The following DNER variants were observed in gnomAD, a reference collection of about 807,000 sequenced individuals.
The protein encoded by DNER is delta and Notch-like epidermal growth factor-related receptor.
A neutral mutation model predicts 78.2 loss-of-function variants in DNER; 33 were observed. That is an observed-to-expected ratio of 0.42 (90% CI 0.32 to 0.56). DNER has a LOEUF of 0.56. DNER is among the 20% of genes least tolerant of loss of function. The pLI is 0.11. For synonymous variants in DNER, 417 were observed against 384.8 expected (o/e 1.08, Z -0.98); for missense variants, 918 against 975.3 (o/e 0.94, Z 0.78).
chr2:229,536,780 A>C (rs1696412981), intron 5 of DNER, among the ~76,000 whole-genome samples: 1 of 152,208 alleles, frequency 6.6e-6, no homozygotes, highest in Non-Finnish European at 1.5e-5. Context: ...CTCTTTGTAA[A>C]GACTTAAAAT....
intron 11 of DNER, among the ~76,000 whole-genome samples, chr2:229,376,745 G>A (rs532665673): frequency 1.7e-4 from 26 of 152,268 alleles, no homozygotes; most frequent in Admixed American, 1.6e-3. Context: ...CTTATCTATT[G>A]ACTGATGCAT....
intron 6 of DNER, among the ~76,000 whole-genome samples, chr2:229,479,727 A>C (rs1486720688): frequency 1.8e-5 from 2 of 112,600 alleles, no homozygotes; most frequent in Non-Finnish European, 4.2e-5. Flanking sequence ...AAAAAAAAAA[A>C]AAAACAAAAA....
At chr2:229,471,993 T>C (rs1255254878) in intron 7 of DNER, among the ~76,000 whole-genome samples, 2 of 152,210 alleles carry the variant, frequency 1.3e-5, no homozygotes, top group African/African-American at 4.8e-5. Context: ...TCCTTGGCTA[T>C]GAGAGTTTCC....
chr2:229,415,550 C>T (rs551410913), intron 9 of DNER, among the ~76,000 whole-genome samples: 1 of 152,314 alleles, frequency 6.6e-6, no homozygotes, highest in South Asian at 2.1e-4. Flanking sequence ...CATTATATTA[C>T]CATTCACAAT....
Position 229,449,105 on chromosome 2 carries a change from T to A in DNER, c.1262-1565A>T, listed in dbSNP as rs114021034. ...AGCATTTTATAAAATTCCTGGTAGC[T>A]TTTAAATCTTAGAAATCCTACTAAA... On this transcript the variant is annotated intron_variant, in intron 7 of 12. Coordinates refer to ENST00000341772, the MANE Select transcript of DNER (RefSeq NM_139072.4). Among the ~76,000 whole-genome samples the A allele has an allele frequency of 7.7e-3, 1,172 of 152,310 alleles. 13 individuals carry two copies. Among genetic ancestry groups the A allele is most frequent in the African/African-American group, 0.027 (1,136 of 41,562 alleles).
At chr2:229,601,918 G>T (rs1305542750) in intron 1 of DNER, among the ~76,000 whole-genome samples, 1 of 151,682 alleles carries the variant, frequency 6.6e-6, no homozygotes, top group Non-Finnish European at 1.5e-5. Flanking sequence ...TTGTCCCTTG[G>T]TTTCCATATT....
rs1364797711 is a variant in DNER, at chr2:229,714,547, C to G, written c.-124G>C. 5 of 1,022,022 alleles carry G rather than the reference C, an allele frequency of 4.9e-6. No individual in the cohort carries two copies. Among genetic ancestry groups the G allele is most frequent in the Non-Finnish European group, 5.9e-6 (5 of 851,528 alleles). The allele number at this position is 1,022,022 out of a possible 1,614,324, so 63.3% of individuals were successfully genotyped here. A position where few individuals can be genotyped will look rare whatever the true frequency, so the allele number is the denominator to read the frequency against. On this transcript the variant is annotated 5_prime_UTR_variant, in exon 1 of 13. Transcript: ENST00000341772. Reference sequence around the variant, plus strand: ...GGCTGCTCCGCCGGGCCGGGCGCCTCCTGCAGCTGCGGGATCCGCGGTTCC... The same window carrying G: ...GGCTGCTCCGCCGGGCCGGGCGCCTGCTGCAGCTGCGGGATCCGCGGTTCC...
chr2:229,608,018 T>A (rs1346366496), intron 1 of DNER, among the ~76,000 whole-genome samples: 1 of 73,986 alleles, frequency 1.4e-5, no homozygotes, highest in African/African-American at 5.0e-5. Flanking sequence ...CGAAACTCTG[T>A]CTCAAAAAAA....
At position 229,585,928 on chromosome 2, in the gene DNER, G is replaced by T. The variant is rs773625193; in HGVS notation, c.777C>A (p.Thr259=). Residue 259 remains threonine, a synonymous_variant, in exon 4 of 13, where the codon ACC becomes ACA. Transcript: ENST00000341772. ...CCAGTCCCCCTGAAGCCTGAAGGGG[G>T]GTCACACTTCGTCCATCTATGAGGG... The part of the protein sequence containing the change: ...QCSLIDGRSV[T]PLQASGGLVL... The T allele has an allele frequency of 6.2e-7, 1 of 1,613,904 alleles. No individual in the cohort carries two copies. Among genetic ancestry groups the T allele is most frequent in the East Asian group, 2.2e-5 (1 of 44,858 alleles).
At chr2:229,448,165 A>G (rs756980424) in intron 7 of DNER, among the ~76,000 whole-genome samples, 3 of 152,212 alleles carry the variant, frequency 2.0e-5, no homozygotes, top group Non-Finnish European at 4.4e-5. Context: ...CTACCCACAC[A>G]ATGAAATACC....
At chr2:229,450,345 T>C (rs1694431086) in intron 7 of DNER, among the ~76,000 whole-genome samples, 1 of 152,112 alleles carries the variant, frequency 6.6e-6, no homozygotes, top group Non-Finnish European at 1.5e-5. Flanking sequence ...GTTAGGAGCA[T>C]AAAAATGAAA....
At chr2:229,708,315 C>T (rs1310065865) in intron 1 of DNER, among the ~76,000 whole-genome samples, 1 of 152,204 alleles carries the variant, frequency 6.6e-6, no homozygotes, top group Non-Finnish European at 1.5e-5. Context: ...AGTACCAGTG[C>T]CAGGCCCCAC....
In DNER at chr2:229,520,847, C is replaced by G. The variant is rs369658112; in HGVS notation, c.994-7911G>C. Among the ~76,000 whole-genome samples, 8 of 152,192 alleles carry G rather than the reference C, an allele frequency of 5.3e-5. 1 individual carries two copies. In the East Asian group the frequency reaches 9.6e-4, roughly 18 times the overall value. ...TATCCAAGTGCCAGGAAAATCTCTG[C>G]TCGCCTTAAGGAACTAACATGTTTT... On this transcript the variant is annotated intron_variant, in intron 5 of 12. Coordinates refer to ENST00000341772, the MANE Select transcript of DNER (RefSeq NM_139072.4).
At chr2:229,654,135 C>T (rs1209601996) in intron 1 of DNER, among the ~76,000 whole-genome samples, 2 of 151,666 alleles carry the variant, frequency 1.3e-5, no homozygotes, top group Non-Finnish European at 2.9e-5. Context: ...CCACCACATG[C>T]CCCGGTGTGT....
chr2:229,410,451 A>G (rs1354673895), intron 9 of DNER, among the ~76,000 whole-genome samples: 1 of 152,224 alleles, frequency 6.6e-6, no homozygotes, highest in African/African-American at 2.4e-5. Flanking sequence ...TGAGGCTGCC[A>G]GAGGAGAGAT....
intron 1 of DNER, among the ~76,000 whole-genome samples, chr2:229,702,951 C>T (rs1699772898): frequency 6.7e-6 from 1 of 149,316 alleles, no homozygotes; most frequent in Non-Finnish European, 1.5e-5. Context: ...CCTGGTTCTA[C>T]CTCAGTGTAA....
intron 1 of DNER, among the ~76,000 whole-genome samples, chr2:229,688,926 G>A (rs1180970683): frequency 6.6e-6 from 1 of 152,172 alleles, no homozygotes; most frequent in African/African-American, 2.4e-5. Flanking sequence ...GCTTATTAGT[G>A]GGAGCTGAGA....
At chr2:229,712,094 C>T (rs969595950) in intron 1 of DNER, among the ~76,000 whole-genome samples, 1 of 152,148 alleles carries the variant, frequency 6.6e-6, no homozygotes. Context: ...AGTAACTTCA[C>T]CGCTCTCTCC....
intron 2 of DNER, among the ~76,000 whole-genome samples, chr2:229,589,247 A>G (rs1697557458): frequency 6.6e-6 from 1 of 152,220 alleles, no homozygotes; most frequent in Admixed American, 6.5e-5. Flanking sequence ...CAGTATTAAA[A>G]GTATTCATCA....
Sources: gnomAD v4.1 joint callset for allele counts (sites outside exome capture counted in the v4.1 genomes callset) on GRCh38, gnomAD v4.1.1 for gene constraint, MANE v1.5 for transcripts, NCBI Gene and HGNC (gene_info 2026-07-23, HGNC 2026-07-21) for gene names.